Variants in KIF3A observed in about 807,000 individuals in gnomAD.
The protein encoded by KIF3A is kinesin family member 3A.
Under a neutral mutation model 92.6 loss-of-function variants are expected in KIF3A, and 27 were observed. That is an observed-to-expected ratio of 0.29 (90% confidence interval 0.21 to 0.40). The LOEUF (loss-of-function observed/expected upper bound fraction) is 0.40, where lower values mean the gene tolerates loss of function less well. KIF3A is among the 10% of genes least tolerant of loss of function. KIF3A has a pLI of 1.00. For missense variants in KIF3A, 581 were observed against 872.6 expected (o/e 0.67, Z 4.21); for synonymous variants, 250 against 275.4 (o/e 0.91, Z 0.92).
At chr5:132,719,500 CT>C (rs200854013) in intron 5 of KIF3A, among the ~76,000 whole-genome samples, 1 of 151,346 alleles carries the variant, frequency 6.6e-6, no homozygotes, top group East Asian at 1.9e-4. Context: ...TCTAATCCCT[CT>C]TTTTTTCTTT....
chr5:132,723,473 CAG>C (rs1170571048), intron 4 of KIF3A: 1 of 152,142 alleles, frequency 6.6e-6, no homozygotes, highest in African/African-American at 2.4e-5. Flanking sequence ...TGCAACAGAA[CAG>C]AGCTCTCAGA....
chr5:132,721,740 T>C (rs1463167867), intron 4 of KIF3A, among the ~76,000 whole-genome samples: 3 of 150,866 alleles, frequency 2.0e-5, no homozygotes, highest in Non-Finnish European at 2.9e-5. Context: ...AGTATGATGA[T>C]CTCTATAAGC....
chr5:132,733,062 A>C (rs989340806), intron 2 of KIF3A, among the ~76,000 whole-genome samples: 112 of 152,342 alleles, frequency 7.4e-4, no homozygotes, highest in African/African-American at 2.6e-3. Context: ...AGGCAAACTC[A>C]TAGAATAGAT....
At chr5:132,712,502 C>T (rs190300617) in intron 8 of KIF3A, among the ~76,000 whole-genome samples, 20 of 152,164 alleles carry the variant, frequency 1.3e-4, no homozygotes, top group Non-Finnish European at 2.4e-4. Flanking sequence ...CAATAGAATC[C>T]TAAACACTAA....
At chr5:132,737,306 C>T in intron 1 of KIF3A, 108 bp downstream of exon 1, 1 of 1,303,892 alleles carries the variant, frequency 7.7e-7, no homozygotes, top group East Asian at 2.8e-5. Flanking sequence ...GCCTGCCCCG[C>T]CCCACCCAGG....
At chr5:132,730,296 T>C (rs1754182169) in intron 2 of KIF3A, among the ~76,000 whole-genome samples, 1 of 151,546 alleles carries the variant, frequency 6.6e-6, no homozygotes, top group Non-Finnish European at 1.5e-5. Context: ...GTGAAACCCG[T>C]CCCTACTAAA....
intron 2 of KIF3A, among the ~76,000 whole-genome samples, chr5:132,728,432 T>C (rs1262067462): frequency 6.6e-6 from 1 of 152,184 alleles, no homozygotes; most frequent in Non-Finnish European, 1.5e-5. Context: ...ATTATTACTA[T>C]TATTTAAAGA....
Position 132,733,490 on chromosome 5 carries a change from T to C in KIF3A, c.280+715A>G, listed in dbSNP as rs150123029. 1.8e-3 allele frequency among the ~76,000 whole-genome samples: 280 copies of C among 152,354 alleles called. 1 individual carries two copies. Among genetic ancestry groups the C allele is most frequent in the African/African-American group, 6.4e-3 (265 of 41,578 alleles). ...AAGATATAAATAAATGGAGAGAAGC[T>C]GGACATGGTAGCTGACATGGGAAAT... On this transcript the variant is annotated intron_variant, in intron 2 of 18. Coordinates refer to ENST00000403231, the MANE Select transcript of KIF3A (RefSeq NM_001300791.2).
At chr5:132,726,637 A>T in intron 2 of KIF3A, 139 bp from the exon 3 acceptor site, 1 of 707,192 alleles carries the variant, frequency 1.4e-6, no homozygotes, top group Admixed American at 2.6e-5. Context: ...TTTCACCTTT[A>T]TTATCAACAA....
At chr5:132,712,631 G>T (rs1171791630) in intron 8 of KIF3A, among the ~76,000 whole-genome samples, 1 of 152,126 alleles carries the variant, frequency 6.6e-6, no homozygotes, top group East Asian at 1.9e-4. Context: ...ACAAGAAACA[G>T]GACCTTTGCA....
At chr5:132,733,480 G>A (rs571960194) in intron 2 of KIF3A, among the ~76,000 whole-genome samples, 18 of 152,340 alleles carry the variant, frequency 1.2e-4, no homozygotes, top group African/African-American at 4.1e-4. Context: ...ATAAATAAAT[G>A]GAGAGAAGCT....
At chr5:132,713,265 A>C (rs1296207104) in intron 8 of KIF3A, among the ~76,000 whole-genome samples, 1 of 152,222 alleles carries the variant, frequency 6.6e-6, no homozygotes, top group African/African-American at 2.4e-5. Flanking sequence ...AAAAAGAGGC[A>C]CTGGAAGGAA....
intron 1 of KIF3A, 122 bp from the exon 2 acceptor site, chr5:132,734,600 C>A: frequency 1.4e-6 from 1 of 735,792 alleles, no homozygotes; most frequent in Non-Finnish European, 2.1e-6. Context: ...TTAAACACTT[C>A]ACAGGTATTT....
intron 11 of KIF3A, among the ~76,000 whole-genome samples, chr5:132,705,008 A>T (rs1753159568): frequency 6.6e-6 from 1 of 151,956 alleles, no homozygotes; most frequent in African/African-American, 2.4e-5. Flanking sequence ...GACAAATGAA[A>T]TAAAAGAGTA....
At chr5:132,726,027 TA>T in intron 4 of KIF3A, 100 bp downstream of exon 4, 1 of 753,146 alleles carries the variant, frequency 1.3e-6, no homozygotes, top group Non-Finnish European at 2.2e-6. Flanking sequence ...TTATTTAAAA[TA>T]TAAAAAGCAA....
Position 132,703,487 on chromosome 5 carries a change from C to T in KIF3A, c.1442G>A (p.Arg481Gln), listed in dbSNP as rs766176000. ...CTGGGCTTTAAGAAGATCTTTTTCC[C>T]GTTTCTCTAATTCAGCTCTAGCCTT... ...RNKARAELEK[R>Q]EKDLLKAQQE... The change falls in exon 12 of 19, where the codon CGG (arginine) becomes CAG (glutamine). Residue 481 changes from arginine (R) to glutamine (Q), a missense_variant. By Grantham distance (43) the Arg-to-Gln change is conservative (BLOSUM62 1). Coordinates refer to ENST00000403231, the MANE Select transcript of KIF3A (RefSeq NM_001300791.2). The T allele has an allele frequency of 2.5e-6, 4 of 1,609,328 alleles. No homozygotes were observed. Among genetic ancestry groups the T allele is most frequent in the South Asian group, 1.1e-5 (1 of 90,116 alleles).
intron 8 of KIF3A, among the ~76,000 whole-genome samples, chr5:132,711,617 ATTTC>A (rs1392646117): frequency 2.0e-5 from 3 of 151,864 alleles, no homozygotes; most frequent in Non-Finnish European, 4.4e-5. Flanking sequence ...TATTCAAATC[ATTTC>A]TTTATGTATA....
intron 2 of KIF3A, among the ~76,000 whole-genome samples, chr5:132,731,876 A>G (rs1234578509): frequency 1.3e-5 from 2 of 151,936 alleles, no homozygotes; most frequent in Admixed American, 6.6e-5. Context: ...ATGCCTGGCT[A>G]ATTTTTTTAT....
At chr5:132,710,824 G>A (rs1386083531) in intron 9 of KIF3A, 135 bp downstream of exon 9, 1 of 1,199,418 alleles carries the variant, frequency 8.3e-7, no homozygotes, top group African/African-American at 1.5e-5. Flanking sequence ...AAGTTAACCA[G>A]GTAAATGGCA....
Sources: allele counts gnomAD v4.1 joint callset (sites outside exome capture counted in the v4.1 genomes callset), GRCh38; gene constraint gnomAD v4.1.1; transcripts MANE v1.5; gene names NCBI Gene and HGNC (gene_info 2026-07-23, HGNC 2026-07-21).